Variants in DNA2 observed in about 807,000 individuals in gnomAD.
DNA2 encodes DNA replication ATP-dependent helicase/nuclease DNA2.
DNA2 carries 101 observed loss-of-function variants against 119.1 expected under a neutral mutation model. The observed-to-expected ratio is 0.85, with a 90% CI of 0.72 to 1.00. The LOEUF (loss-of-function observed/expected upper bound fraction) is 1.00, where lower values mean the gene tolerates loss of function less well. Ranked by LOEUF, DNA2 falls within the 50% of genes least tolerant of loss-of-function variation. DNA2 has a pLI of 0.00. For missense variants in DNA2, 1,121 were observed against 1,255.5 expected, an observed-to-expected ratio of 0.89 and a Z score of 1.62; for synonymous variants, 366 against 424.4, an observed-to-expected ratio of 0.86 and a Z score of 1.69.
intron 4 of DNA2, among the ~76,000 whole-genome samples, chr10:68,463,403 C>T (rs1027835825): frequency 2.1e-5 from 3 of 140,750 alleles, no homozygotes; most frequent in African/African-American, 8.0e-5. Flanking sequence ...GAGATTGTGC[C>T]ACTGCACTCC....
rs544460123 is a variant in DNA2, at chr10:68,461,871, T to C, written c.588-2636A>G. 1.3e-4 allele frequency among the ~76,000 whole-genome samples: 19 copies of C among 149,904 alleles called. No homozygotes were observed. The South Asian group carries it at 4.0e-3, about 32-fold the overall frequency. ...AAAAAAATAGAGGCTGGAGGATTGTTTGAGGCTACAGTGGGTGATAATTTC... is the reference window on the plus strand; with the variant it reads ...AAAAAAATAGAGGCTGGAGGATTGTCTGAGGCTACAGTGGGTGATAATTTC... On this transcript the variant is annotated intron_variant, in intron 4 of 20. Transcript: ENST00000358410.
intron 5 of DNA2, among the ~76,000 whole-genome samples, chr10:68,456,440 A>C (rs1170382075): frequency 6.6e-6 from 1 of 152,088 alleles, no homozygotes; most frequent in Non-Finnish European, 1.5e-5. Context: ...TTTGAGGTGG[A>C]GTCTCGTTTT....
chr10:68,444,606 C>A (rs2052013015), intron 8 of DNA2, among the ~76,000 whole-genome samples: 1 of 151,224 alleles, frequency 6.6e-6, no homozygotes, highest in South Asian at 2.1e-4. Context: ...TGGCTGTAAT[C>A]CCAGCTACTT....
At chr10:68,424,577 C>T (rs2051711239) in intron 14 of DNA2, 1 of 1,011,582 alleles carries the variant, frequency 9.9e-7, no homozygotes. Context: ...TCAATCCCTT[C>T]GTGAACTTGG....
In DNA2 at chr10:68,432,451, C is replaced by A; in HGVS notation, c.1706G>T (p.Cys569Phe). The change falls in exon 11 of 21, where the codon TGT becomes TTT. Residue 569 changes from cysteine (C) to phenylalanine (F), a missense_variant. Physicochemically the swap from Cys to Phe is radical, Grantham distance 205. Transcript: ENST00000358410. ...LFRLDQEEKN[C>F]DIDTPLGNLS... ...ATTTCCTAATGGGGTATCTATATCA[C>A]AATTTTTTTCTTCTTGGTCTAATCT... 1 of 1,591,734 alleles carries A rather than the reference C, an allele frequency of 6.3e-7. No individual in the cohort carries two copies. Among genetic ancestry groups the A allele is most frequent in the Non-Finnish European group, 8.6e-7 (1 of 1,169,318 alleles).
intron 1 of DNA2, among the ~76,000 whole-genome samples, 167 bp downstream of exon 1, chr10:68,471,624 C>T (rs562870763): frequency 9.9e-5 from 15 of 152,170 alleles, no homozygotes; most frequent in Non-Finnish European, 1.8e-4. Context: ...CAAAGAACAC[C>T]TTGGGAGGCA....
Position 68,468,326 on chromosome 10 carries a change from A to C in DNA2, c.258-20T>G. 2 of 1,510,180 alleles carry C rather than the reference A, an allele frequency of 1.3e-6. No homozygotes were observed. Among genetic ancestry groups the C allele is most frequent in the Non-Finnish European group, 1.8e-6 (2 of 1,128,320 alleles). 93.5% of individuals were successfully genotyped at this position (1,510,180 alleles called of 1,614,324 possible). A position where few individuals can be genotyped will look rare whatever the true frequency, so the allele number is the denominator to read the frequency against. ...GAACACCTGAAAATAAAGCAAAGTT[A>C]AAGTATAAATACATAGCTTAGGTTC... On this transcript the variant is annotated intron_variant, in intron 2 of 20. Transcript: ENST00000358410.
In DNA2 at chr10:68,459,207, T is replaced by A; in HGVS notation, c.616A>T (p.Ile206Leu). ...AGATAGTCCTCTACTTCTTGTTTTA[T>A]TTCATCTTGACTTAGATTTAAGCGG... ...MYRLNLSQDE[I>L]KQEVEDYLPS... The change falls in exon 5 of 21, where the codon ATA becomes TTA. Residue 206 changes from isoleucine to leucine, a missense_variant. Ile to Leu is a conservative substitution (Grantham distance 5). Coordinates refer to ENST00000358410, the MANE Select transcript of DNA2 (RefSeq NM_001080449.3). The A allele has an allele frequency of 6.4e-7, 1 of 1,563,848 alleles. No individual in the cohort carries two copies. The highest frequency in any genetic ancestry group is 8.7e-7 in the Non-Finnish European group (1 of 1,153,428).
At chr10:68,455,230 G>T (rs1295304653) in intron 5 of DNA2, among the ~76,000 whole-genome samples, 2 of 151,900 alleles carry the variant, frequency 1.3e-5, no homozygotes, top group African/African-American at 2.4e-5. Context: ...TAGCCATCAC[G>T]CCAGGCCGAT....
chr10:68,435,782 T>A (rs1409901415), intron 10 of DNA2, among the ~76,000 whole-genome samples: 1 of 152,202 alleles, frequency 6.6e-6, no homozygotes, highest in Non-Finnish European at 1.5e-5. Context: ...TCAGCCATTT[T>A]GTTGTAACTG....
chr10:68,433,502 T>C (rs1038146226), intron 10 of DNA2, among the ~76,000 whole-genome samples: 2 of 152,162 alleles, frequency 1.3e-5, no homozygotes, highest in African/African-American at 4.8e-5. Flanking sequence ...TCAATACAAT[T>C]CTATTTATTC....
chr10:68,465,682 C>A lies in DNA2; in HGVS notation c.572G>T (p.Arg191Ile). Residue 191 changes from arginine (R) to isoleucine (I), a missense_variant, in exon 4 of 21, where the codon AGA becomes ATA. By Grantham distance (97) the Arg-to-Ile change is moderately conservative. Transcript: ENST00000358410. ...ELAFQTIQEI[R>I]HLKEMYRLNL... ...AACTACTTACATTTCCTTCAAATGT[C>A]TTATTTCTTGAATTGTTTGAAAAGC... 1 of 1,593,760 alleles carries A rather than the reference C, an allele frequency of 6.3e-7. No individual in the cohort carries two copies. The highest frequency in any genetic ancestry group is 8.5e-7 in the Non-Finnish European group (1 of 1,172,614).
intron 2 of DNA2, among the ~76,000 whole-genome samples, chr10:68,469,617 C>T (rs2052363842): frequency 6.6e-6 from 1 of 152,042 alleles, no homozygotes; most frequent in Admixed American, 6.6e-5. Context: ...CAAGTGCCAC[C>T]ATACCCAGCT....
intron 4 of DNA2, among the ~76,000 whole-genome samples, chr10:68,464,372 G>A (rs940484860): frequency 1.1e-4 from 17 of 151,886 alleles, no homozygotes; most frequent in African/African-American, 3.1e-4. Context: ...AAAATTAGCC[G>A]GGTGTGGTGG....
chr10:68,431,909 T>C lies in DNA2; in HGVS notation c.1936A>G (p.Ile646Val). 6.2e-7 allele frequency: 1 copy of C among 1,613,916 alleles called. No homozygotes were observed. The highest frequency in any genetic ancestry group is 1.3e-5 in the African/African-American group (1 of 75,058). ...TTTCCTGTCCCAGGCATACCCACGA[T>C]GAGTGTGTAGTCTTTTGAAAGAAGT... is the stretch of plus-strand genomic sequence containing the variant. ...KVLLSKDYTLIVGMPGTGKTT... is the reference protein window; with the variant it reads ...KVLLSKDYTLVVGMPGTGKTT... The change falls in exon 13 of 21, where the codon ATC (isoleucine) becomes GTC (valine). Residue 646 changes from isoleucine to valine, a missense_variant. Physicochemically the swap from Ile to Val is conservative, Grantham distance 29. Transcript: ENST00000358410.
At chr10:68,421,956 A>G (rs2051671451) in intron 17 of DNA2, among the ~76,000 whole-genome samples, 1 of 151,464 alleles carries the variant, frequency 6.6e-6, no homozygotes, top group South Asian at 2.1e-4. Context: ...CTGGGATTAC[A>G]GGCACCCACC....
chr10:68,422,260 G>GT lies in DNA2; in HGVS notation c.2661dup (p.Pro888ThrfsTer9), dbSNP rs760206076. ...TTAAGGAAACAAACAGGATTGTTGG[G>GT]TTCAAATACTCCCATCAACCAAGGA... On this transcript the variant is annotated frameshift_variant, in exon 17 of 21. Coordinates refer to ENST00000358410, the MANE Select transcript of DNA2 (RefSeq NM_001080449.3). LOFTEE classifies it high-confidence loss of function. 1 of 1,612,062 alleles carries GT rather than the reference G, an allele frequency of 6.2e-7. No individual in the cohort carries two copies. Among genetic ancestry groups the GT allele is most frequent in the Non-Finnish European group, 8.5e-7 (1 of 1,179,158 alleles).
chr10:68,465,893 AC>A, intron 3 of DNA2, 81 bp from the exon 4 acceptor site: 1 of 1,237,356 alleles, frequency 8.1e-7, no homozygotes. Context: ...CTATTAAACC[AC>A]CATAGCCAAA....
rs2051678910 is a variant in DNA2, at chr10:68,422,530, T to C, written c.2477A>G (p.Gln826Arg). The C allele has an allele frequency of 1.2e-6, 2 of 1,613,916 alleles. No individual in the cohort carries two copies. Among genetic ancestry groups the C allele is most frequent in the Non-Finnish European group, 1.7e-6 (2 of 1,179,878 alleles). ...TTACAAATACCTGTTCATTCTGTAC[T>C]GCACGGTTAACTGTACAACAGCACT... ...NKSAVVQLTV[Q>R]YRMNSKIMSL... The change falls in exon 16 of 21, where the codon CAG (glutamine) becomes CGG (arginine). Residue 826 changes from glutamine (Q) to arginine (R), a missense_variant. By Grantham distance (43) the Gln-to-Arg change is conservative. Transcript: ENST00000358410.
Sources: gnomAD v4.1 joint callset for allele counts (sites outside exome capture counted in the v4.1 genomes callset) on GRCh38, gnomAD v4.1.1 for gene constraint, MANE v1.5 for transcripts, NCBI Gene and HGNC (gene_info 2026-07-23, HGNC 2026-07-21) for gene names.